Variants in SGCD observed in about 807,000 individuals in gnomAD.
The protein encoded by SGCD is sarcoglycan delta.
In SGCD, 18 loss-of-function variants were observed where a neutral mutation model predicts 36.6. That is an observed-to-expected ratio of 0.49 (90% CI 0.34 to 0.73). SGCD has a LOEUF of 0.73. SGCD is among the 30% of genes least tolerant of loss of function. The probability of loss-of-function intolerance (pLI) is 0.01; values close to 1 mark genes in which losing one functional copy is unlikely to be tolerated. For missense variants in SGCD, 387 were observed against 346.7 expected (o/e 1.12, Z -0.92); for synonymous variants, 133 against 130.6 (o/e 1.02, Z -0.12).
intron 3 of SGCD, among the ~76,000 whole-genome samples, chr5:156,361,518 G>C (rs1286398404): frequency 1.3e-5 from 2 of 152,196 alleles, no homozygotes; most frequent in Non-Finnish European, 2.9e-5. Flanking sequence ...AGTAGAGTAT[G>C]GTAGGCACTC....
At chr5:156,691,792 A>C (rs1346749202) in intron 7 of SGCD, among the ~76,000 whole-genome samples, 1 of 152,246 alleles carries the variant, frequency 6.6e-6, no homozygotes, top group Non-Finnish European at 1.5e-5. Context: ...CAACCGAATT[A>C]GCATGTGCTG....
At chr5:156,469,032 G>A (rs1345509869) in intron 3 of SGCD, among the ~76,000 whole-genome samples, 2 of 152,120 alleles carry the variant, frequency 1.3e-5, no homozygotes, top group Non-Finnish European at 2.9e-5. Flanking sequence ...TTGGCCTAGT[G>A]TCTGGCATGG....
chr5:156,444,064 T>TTCTCTCTCTCTCTCTCTCTC (rs535098783), intron 3 of SGCD, among the ~76,000 whole-genome samples: 3 of 34,500 alleles, frequency 8.7e-5, no homozygotes, highest in African/African-American at 3.0e-4. Context: ...CTTTCTCTCC[T>TTCTCTCTCTCTCTCTCTCTC]TCTCTCTCTC....
chr5:156,566,728 A>G (rs965394342), intron 4 of SGCD, among the ~76,000 whole-genome samples: 11 of 152,228 alleles, frequency 7.2e-5, no homozygotes, highest in African/African-American at 2.4e-4. Flanking sequence ...AAATAATGAT[A>G]TATTAAAATT....
chr5:155,873,217 G>GT (rs1188662777), intron 1 of SGCD, among the ~76,000 whole-genome samples: 8 of 152,050 alleles, frequency 5.3e-5, no homozygotes, highest in Non-Finnish European at 1.5e-5. Context: ...CATGACTTTA[G>GT]TTAGCCACAA....
At chr5:156,462,724 C>G (rs1374230930) in intron 3 of SGCD, among the ~76,000 whole-genome samples, 2 of 152,066 alleles carry the variant, frequency 1.3e-5, no homozygotes, top group African/African-American at 4.8e-5. Context: ...GTGAAATTCT[C>G]AACAGAAAGG....
chr5:156,204,473 T>C (rs1232633587), intron 3 of SGCD, among the ~76,000 whole-genome samples: 2 of 147,404 alleles, frequency 1.4e-5, no homozygotes, highest in African/African-American at 5.0e-5. Flanking sequence ...AACACACTCA[T>C]ACACACACAC....
chr5:156,317,294 A>T (rs925963857), intron 3 of SGCD, among the ~76,000 whole-genome samples: 1 of 152,254 alleles, frequency 6.6e-6, no homozygotes, highest in African/African-American at 2.4e-5. Context: ...TTTTACTGAG[A>T]TTATTTTGTT....
chr5:156,508,771 G>A (rs1176481065), intron 4 of SGCD, 69 bp downstream of exon 4: 2 of 914,276 alleles, frequency 2.2e-6, no homozygotes, highest in African/African-American at 1.7e-5. Flanking sequence ...AATTGATCTT[G>A]CTATCAGCTG....
chr5:156,202,494 CTG>C (rs1468135972), intron 3 of SGCD, among the ~76,000 whole-genome samples: 1 of 152,094 alleles, frequency 6.6e-6, no homozygotes, highest in Non-Finnish European at 1.5e-5. Context: ...GTTTTTAGCA[CTG>C]AGATTTCTTG....
At chr5:156,040,378 A>G (rs1474966328) in intron 1 of SGCD, among the ~76,000 whole-genome samples, 1 of 152,196 alleles carries the variant, frequency 6.6e-6, no homozygotes, top group East Asian at 1.9e-4. Context: ...TTTCTTAAAG[A>G]GCATCCCACA....
chr5:156,592,409 A>C (rs1760761109), intron 5 of SGCD, among the ~76,000 whole-genome samples: 1 of 152,182 alleles, frequency 6.6e-6, no homozygotes, highest in Non-Finnish European at 1.5e-5. Flanking sequence ...TTTTGATGCC[A>C]TCAAGAAGAT....
intron 3 of SGCD, among the ~76,000 whole-genome samples, chr5:156,220,889 A>G (rs1764700961): frequency 6.6e-6 from 1 of 152,116 alleles, no homozygotes; most frequent in Non-Finnish European, 1.5e-5. Flanking sequence ...TAGTGATTTC[A>G]GTCTCCCAAT....
chr5:156,286,373 A>G (rs1397317357), intron 3 of SGCD, among the ~76,000 whole-genome samples: 2 of 152,206 alleles, frequency 1.3e-5, no homozygotes, highest in South Asian at 4.1e-4. Flanking sequence ...ACACATGCAC[A>G]CATATGTTTA....
chr5:156,086,688 A>G (rs1042863803), intron 1 of SGCD, among the ~76,000 whole-genome samples: 1 of 152,204 alleles, frequency 6.6e-6, no homozygotes, highest in Non-Finnish European at 1.5e-5. Context: ...AGTCCCTGGA[A>G]CTTCTAAGTA....
the SGCD span, among the ~76,000 whole-genome samples, chr5:155,737,974 C>G: frequency 6.6e-6 from 1 of 152,200 alleles, no homozygotes; most frequent in Non-Finnish European, 1.5e-5. Flanking sequence ...CTTGCAGACT[C>G]TTTTGATTGA....
At chr5:156,026,428 T>G (rs899617441) in intron 1 of SGCD, among the ~76,000 whole-genome samples, 2 of 152,174 alleles carry the variant, frequency 1.3e-5, no homozygotes, top group African/African-American at 4.8e-5. Context: ...TTATGAGACT[T>G]AGTCTGACCT....
intron 3 of SGCD, among the ~76,000 whole-genome samples, chr5:156,373,085 T>G (rs771572282): frequency 1.3e-5 from 2 of 152,170 alleles, no homozygotes; most frequent in Non-Finnish European, 2.9e-5. Flanking sequence ...GGTGTTTAAA[T>G]ATGCCATTAA....
the SGCD span, among the ~76,000 whole-genome samples, chr5:155,823,617 G>A: frequency 1.2e-4 from 19 of 152,120 alleles, no homozygotes; most frequent in African/African-American, 1.9e-4. Flanking sequence ...ATGTGGCTCC[G>A]CGGGAACACA....
Sources: allele counts gnomAD v4.1 joint callset (sites outside exome capture counted in the v4.1 genomes callset), GRCh38; gene constraint gnomAD v4.1.1; transcripts MANE v1.5; gene names NCBI Gene and HGNC (gene_info 2026-07-23, HGNC 2026-07-21).